ZFAT: variants seen among roughly 807,000 people sequenced by gnomAD.
ZFAT encodes the protein zinc finger and AT-hook domain containing.
A neutral mutation model predicts 117.7 loss-of-function variants in ZFAT; 64 were observed. The ratio of observed to expected loss-of-function variants is 0.54; its 90% CI spans 0.44 to 0.67. The LOEUF (loss-of-function observed/expected upper bound fraction) is 0.67, where lower values mean the gene tolerates loss of function less well. Ranked by LOEUF, ZFAT falls within the 30% of genes least tolerant of loss-of-function variation. ZFAT has a pLI of 0.00. For missense variants in ZFAT, 1,433 were observed against 1,584.5 expected (o/e 0.90, Z 1.62); for synonymous variants, 679 against 615.0 (o/e 1.10, Z -1.54).
chr8:134,621,950 C>T (rs1306032757), intron 3 of ZFAT, among the ~76,000 whole-genome samples: 1 of 152,214 alleles, frequency 6.6e-6, no homozygotes, highest in East Asian at 1.9e-4. Context: ...CTCTGCCTTT[C>T]AGCTGGATGA....
At chr8:134,824,159 T>A in the ZFAT span, among the ~76,000 whole-genome samples, 2 of 152,186 alleles carry the variant, frequency 1.3e-5, no homozygotes, top group East Asian at 3.8e-4. Context: ...GGGAATTGAG[T>A]GCTGCCTAGC....
At chr8:134,610,411 G>A in intron 4 of ZFAT, 59 bp downstream of exon 4, 1 of 1,529,066 alleles carries the variant, frequency 6.5e-7, no homozygotes, top group Non-Finnish European at 8.8e-7. Context: ...ACATCAGGCT[G>A]CCCTTGGCAC....
At chr8:134,524,342 G>T (rs1431550391) in intron 12 of ZFAT, among the ~76,000 whole-genome samples, 1 of 152,168 alleles carries the variant, frequency 6.6e-6, no homozygotes, top group East Asian at 1.9e-4. Flanking sequence ...ACAACAGGCT[G>T]GGATGCAAGT....
At chr8:134,666,011 C>G (rs1280365976) in intron 1 of ZFAT, among the ~76,000 whole-genome samples, 1 of 152,192 alleles carries the variant, frequency 6.6e-6, no homozygotes, top group East Asian at 1.9e-4. Context: ...CCCAGCTGGG[C>G]TAGTGTCAGA....
chr8:134,533,415 G>GGTCA (rs1821581745), intron 11 of ZFAT, among the ~76,000 whole-genome samples: 1 of 152,138 alleles, frequency 6.6e-6, no homozygotes, highest in South Asian at 2.1e-4. Flanking sequence ...ACACAACAGT[G>GGTCA]GTCACAGCAG....
intron 11 of ZFAT, among the ~76,000 whole-genome samples, chr8:134,542,883 C>A (rs1458617637): frequency 1.3e-5 from 2 of 152,120 alleles, no homozygotes; most frequent in Admixed American, 1.3e-4. Flanking sequence ...GGGTAATGTG[C>A]AAATCCCCAG....
the ZFAT span, among the ~76,000 whole-genome samples, chr8:134,811,050 C>A: frequency 4.6e-5 from 7 of 151,414 alleles, no homozygotes; most frequent in Admixed American, 4.6e-4. Context: ...GAGAAACAAC[C>A]GTCAGTTAAT....
chr8:134,574,366 C>T (rs1304343664), intron 10 of ZFAT, among the ~76,000 whole-genome samples: 1 of 152,076 alleles, frequency 6.6e-6, no homozygotes, highest in Non-Finnish European at 1.5e-5. Context: ...GGCAGGCCAC[C>T]GTGGGATCTA....
At chr8:134,654,985 TC>T (rs1026183643) in intron 2 of ZFAT, among the ~76,000 whole-genome samples, 1 of 152,184 alleles carries the variant, frequency 6.6e-6, no homozygotes, top group African/African-American at 2.4e-5. Context: ...CAAAAAGTGT[TC>T]CTCAGGGTGA....
intron 1 of ZFAT, among the ~76,000 whole-genome samples, chr8:134,668,307 C>T (rs941583030): frequency 8.5e-5 from 13 of 152,230 alleles, no homozygotes; most frequent in Non-Finnish European, 1.8e-4. Context: ...GACAGACCCT[C>T]AAGTGGGTCC....
At chr8:134,660,216 C>G (rs1831857622) in intron 1 of ZFAT, among the ~76,000 whole-genome samples, 1 of 152,188 alleles carries the variant, frequency 6.6e-6, no homozygotes, top group Non-Finnish European at 1.5e-5. Context: ...AGAGGAAAAG[C>G]AACTTGCTCA....
chr8:134,598,414 C>T (rs1827127983), intron 7 of ZFAT: 1 of 152,170 alleles, frequency 6.6e-6, no homozygotes, highest in Non-Finnish European at 1.5e-5. Flanking sequence ...AGGAAGATAA[C>T]CATAGAAAGT....
chr8:134,526,611 A>G (rs1821040146), intron 12 of ZFAT, among the ~76,000 whole-genome samples: 1 of 152,232 alleles, frequency 6.6e-6, no homozygotes, highest in Admixed American at 6.5e-5. Context: ...TATATTCTGG[A>G]GCAGTTTCAG....
intron 10 of ZFAT, among the ~76,000 whole-genome samples, chr8:134,573,534 CT>C (rs931076821): frequency 5.3e-5 from 8 of 152,312 alleles, no homozygotes; most frequent in African/African-American, 1.7e-4. Flanking sequence ...GAGTGCCAGG[CT>C]TGCTGGAGGT....
chr8:134,561,532 TA>T, intron 11 of ZFAT, among the ~76,000 whole-genome samples: 1 of 152,370 alleles, frequency 6.6e-6, no homozygotes, highest in African/African-American at 2.4e-5. Context: ...TTCCAAATCT[TA>T]CTTAGTGAAC....
intron 10 of ZFAT, among the ~76,000 whole-genome samples, chr8:134,578,591 C>G (rs1008201430): frequency 2.6e-5 from 4 of 152,136 alleles, no homozygotes; most frequent in African/African-American, 9.6e-5. Flanking sequence ...ATGGCACGAC[C>G]TGGCCTTTGT....
upstream of ZFAT, among the ~76,000 whole-genome samples, chr8:134,715,594 C>T (rs893728433): frequency 6.6e-6 from 1 of 152,190 alleles, no homozygotes; most frequent in Non-Finnish European, 1.5e-5. Context: ...TTCAGAATGC[C>T]TTCAATTAAT....
rs143329074 is a variant in ZFAT at position 134,666,415 on chromosome 8, C to T, written c.20-8678G>A. On this transcript the variant is annotated intron_variant, in intron 1 of 15. Transcript: ENST00000377838. The stretch of plus-strand genomic sequence containing the variant: ...CAAGATTCAATTAAAAATCATTCCT[C>T]GTGATTTTCCAAGAACCAGGAAAAT... Among the ~76,000 whole-genome samples the T allele has an allele frequency of 3.8e-3, 575 of 152,230 alleles. 8 individuals are homozygous for T. The highest frequency in any genetic ancestry group is 0.013 in the African/African-American group (541 of 41,526).
intron 15 of ZFAT, among the ~76,000 whole-genome samples, chr8:134,494,287 C>T (rs1451342232): frequency 6.6e-6 from 1 of 152,236 alleles, no homozygotes; most frequent in Non-Finnish European, 1.5e-5. Flanking sequence ...TTTCCACCTG[C>T]CTGACTTTCA....
Sources: allele counts gnomAD v4.1 joint callset (sites outside exome capture counted in the v4.1 genomes callset), GRCh38; gene constraint gnomAD v4.1.1; transcripts MANE v1.5; gene names NCBI Gene and HGNC (gene_info 2026-07-23, HGNC 2026-07-21).